ATRNL1: variants seen among roughly 807,000 people sequenced by gnomAD.
The protein encoded by ATRNL1 is attractin like 1.
ATRNL1 carries 95 observed loss-of-function variants against 182.7 expected under a neutral mutation model. That is an observed-to-expected ratio of 0.52 (90% confidence interval 0.44 to 0.62). The LOEUF (loss-of-function observed/expected upper bound fraction) is 0.62, where lower values mean the gene tolerates loss of function less well. Ranked by LOEUF, ATRNL1 falls within the 20% of genes least tolerant of loss-of-function variation. The pLI, the probability that ATRNL1 is intolerant of heterozygous loss-of-function variation, is 0.00. For synonymous variants in ATRNL1, 576 were observed against 568.3 expected (o/e 1.01, Z -0.19); for missense variants, 1,471 against 1,679.5 (o/e 0.88, Z 2.17).
intron 26 of ATRNL1, among the ~76,000 whole-genome samples, chr10:115,585,929 G>T (rs1592899158): frequency 9.4e-5 from 1 of 10,690 alleles, no homozygotes. Flanking sequence ...TCCTTCAGGA[G>T]CTCTTTTAGG....
chr10:115,276,923 T>A (rs575779733), intron 13 of ATRNL1, among the ~76,000 whole-genome samples: 3 of 152,246 alleles, frequency 2.0e-5, no homozygotes, highest in Non-Finnish European at 4.4e-5. Context: ...GCAGTAGAGT[T>A]ATTTGGATGG....
intron 5 of ATRNL1, among the ~76,000 whole-genome samples, chr10:115,151,920 C>T (rs1264510917): frequency 9.9e-5 from 15 of 152,112 alleles, no homozygotes; most frequent in Admixed American, 9.8e-4. Context: ...CCAGTTTCAG[C>T]CTTCTACATA....
chr10:115,487,886 T>G (rs1315107735), intron 24 of ATRNL1, among the ~76,000 whole-genome samples: 1 of 152,204 alleles, frequency 6.6e-6, no homozygotes, highest in Non-Finnish European at 1.5e-5. Context: ...TAGCTCTTAT[T>G]ATTTTGAGAT....
At chr10:115,540,061 T>A (rs969954960) in intron 25 of ATRNL1, among the ~76,000 whole-genome samples, 1 of 151,892 alleles carries the variant, frequency 6.6e-6, no homozygotes, top group East Asian at 1.9e-4. Context: ...CACACCAACA[T>A]GGCACACGTA....
rs113989624 is a variant in ATRNL1, at chr10:115,874,933, A to C, written c.4018+26942A>C. Among the ~76,000 whole-genome samples the C allele has an allele frequency of 5.2e-3, 799 of 152,312 alleles. 7 individuals carry two copies. Among genetic ancestry groups the C allele is most frequent in the African/African-American group, 0.018 (750 of 41,570 alleles). On this transcript the variant is annotated intron_variant, in intron 28 of 28. Coordinates refer to ENST00000355044, the MANE Select transcript of ATRNL1 (RefSeq NM_207303.4). ...AAGCTTTAAATGCACAGTTTTGAGG[A>C]CATTTACTTTTCTGGAGTATACAAA...
chr10:115,912,125 A>G (rs1223581090), intron 28 of ATRNL1, among the ~76,000 whole-genome samples: 2 of 152,230 alleles, frequency 1.3e-5, no homozygotes, highest in Non-Finnish European at 2.9e-5. Context: ...TCTAGAAGTC[A>G]TCATCAATAA....
At chr10:115,837,863 G>T (rs189515512) in intron 27 of ATRNL1, among the ~76,000 whole-genome samples, 1 of 152,142 alleles carries the variant, frequency 6.6e-6, no homozygotes, top group Non-Finnish European at 1.5e-5. Context: ...AAAGTGGAAG[G>T]AAGGGAAAGG....
At chr10:115,279,889 A>G (rs1564876056) in intron 13 of ATRNL1, among the ~76,000 whole-genome samples, 2 of 152,196 alleles carry the variant, frequency 1.3e-5, no homozygotes, top group African/African-American at 4.8e-5. Flanking sequence ...TTGGTTGTTA[A>G]ATCCTATACA....
intron 26 of ATRNL1, among the ~76,000 whole-genome samples, chr10:115,632,215 G>C (rs1335110680): frequency 6.6e-6 from 1 of 152,128 alleles, no homozygotes; most frequent in Non-Finnish European, 1.5e-5. Flanking sequence ...GACCATATAG[G>C]CAAGTAATCC....
chr10:115,194,043 G>C (rs1848265264), intron 8 of ATRNL1, among the ~76,000 whole-genome samples: 1 of 151,770 alleles, frequency 6.6e-6, no homozygotes, highest in African/African-American at 2.4e-5. Context: ...ATTCTGTTGT[G>C]GTCAGATGAG....
intron 27 of ATRNL1, among the ~76,000 whole-genome samples, chr10:115,731,640 T>C (rs1478961147): frequency 6.0e-5 from 9 of 149,172 alleles, no homozygotes; most frequent in African/African-American, 2.2e-4. Context: ...AGTTATTATA[T>C]TTATATTTAA....
At chr10:115,545,546 C>T (rs578050351) in intron 25 of ATRNL1, among the ~76,000 whole-genome samples, 1 of 151,922 alleles carries the variant, frequency 6.6e-6, no homozygotes, top group Non-Finnish European at 1.5e-5. Context: ...TTATGTTGTC[C>T]TTATACATCA....
At chr10:115,807,743 C>G (rs1221666430) in intron 27 of ATRNL1, among the ~76,000 whole-genome samples, 10 of 152,168 alleles carry the variant, frequency 6.6e-5, no homozygotes, top group Non-Finnish European at 1.0e-4. Flanking sequence ...ACTGCTTTGA[C>G]TCTATTGTTT....
intron 26 of ATRNL1, among the ~76,000 whole-genome samples, chr10:115,695,599 A>G (rs996820025): frequency 2.0e-5 from 3 of 152,164 alleles, no homozygotes. Context: ...TGATAACCTT[A>G]TATATTAGAA....
chr10:115,490,988 C>T (rs1731249385), intron 24 of ATRNL1, among the ~76,000 whole-genome samples: 1 of 152,156 alleles, frequency 6.6e-6, no homozygotes, highest in Non-Finnish European at 1.5e-5. Context: ...CAGTCAGGCC[C>T]CTCTGCTGCA....
intron 24 of ATRNL1, among the ~76,000 whole-genome samples, chr10:115,510,819 A>C (rs1850350441): frequency 6.6e-6 from 1 of 151,970 alleles, no homozygotes; most frequent in South Asian, 2.1e-4. Flanking sequence ...TGGACGTCAT[A>C]AAAGTGAGGG....
intron 9 of ATRNL1, among the ~76,000 whole-genome samples, chr10:115,222,511 G>A (rs547685748): frequency 2.6e-4 from 39 of 152,224 alleles, no homozygotes; most frequent in African/African-American, 8.9e-4. Flanking sequence ...AAATATTATA[G>A]TAAAACTGCT....
intron 19 of ATRNL1, among the ~76,000 whole-genome samples, chr10:115,339,982 T>A (rs1220814660): frequency 2.0e-5 from 3 of 152,234 alleles, no homozygotes; most frequent in African/African-American, 7.2e-5. Flanking sequence ...TCCTTCATTC[T>A]AGTGATATGA....
At chr10:115,913,028 G>A (rs1040817863) in intron 28 of ATRNL1, among the ~76,000 whole-genome samples, 1 of 152,180 alleles carries the variant, frequency 6.6e-6, no homozygotes, top group Non-Finnish European at 1.5e-5. Flanking sequence ...TGAAAACGTT[G>A]ATGTGGTAAA....
Sources: allele counts gnomAD v4.1 joint callset (sites outside exome capture counted in the v4.1 genomes callset), GRCh38; gene constraint gnomAD v4.1.1; transcripts MANE v1.5; gene names NCBI Gene and HGNC (gene_info 2026-07-23, HGNC 2026-07-21).